The following CCNH variants were observed in gnomAD, a reference collection of about 807,000 sequenced individuals.
CCNH encodes cyclin H, also known as cyclin-H.
A neutral mutation model predicts 41.9 loss-of-function variants in CCNH; 31 were observed. That is an observed-to-expected ratio of 0.74 (90% CI 0.56 to 1.00). The LOEUF (loss-of-function observed/expected upper bound fraction) is 1.00, where lower values mean the gene tolerates loss of function less well. Ranked by LOEUF, CCNH falls within the 50% of genes least tolerant of loss-of-function variation. CCNH has a pLI of 0.00. For missense variants in CCNH, 362 were observed against 388.4 expected (o/e 0.93, Z 0.57); for synonymous variants, 138 against 136.1 (o/e 1.01, Z -0.10).
chr5:87,397,430 G>C (rs1399459174), intron 7 of CCNH, among the ~76,000 whole-genome samples: 1 of 152,148 alleles, frequency 6.6e-6, no homozygotes, highest in East Asian at 1.9e-4. Context: ...AAACTGCTGA[G>C]ATTACAGGCA....
the CCNH span, among the ~76,000 whole-genome samples, chr5:87,313,150 G>A: frequency 6.6e-6 from 1 of 152,140 alleles, no homozygotes; most frequent in Non-Finnish European, 1.5e-5. Context: ...TTTAAGTGAG[G>A]AAACTCACAT....
At chr5:87,345,815 T>C (rs1758819820) in intron 9 of CCNH, among the ~76,000 whole-genome samples, 2 of 152,110 alleles carry the variant, frequency 1.3e-5, no homozygotes, top group Non-Finnish European at 2.9e-5. Flanking sequence ...TAAAAATACT[T>C]GTAGACCCTA....
chr5:87,412,407 C>T, intron 1 of CCNH: 1 of 1,223,808 alleles, frequency 8.2e-7, no homozygotes, highest in Non-Finnish European at 1.0e-6. Context: ...ACGGCTCTTG[C>T]CACGCACTAC....
chr5:87,323,569 G>C (rs1160292352), intron 9 of CCNH, among the ~76,000 whole-genome samples: 1 of 152,150 alleles, frequency 6.6e-6, no homozygotes, highest in African/African-American at 2.4e-5. Context: ...AAGTAAGGTA[G>C]TATGTCTGTA....
At chr5:87,363,572 A>AC in intron 9 of CCNH, 17 of 1,532,916 alleles carry the variant, frequency 1.1e-5, no homozygotes, top group Non-Finnish European at 1.5e-5. Context: ...AACAAAGCAA[A>AC]CCAATTTTGA....
At chr5:87,380,520 A>C, upstream of CCNH, 2 of 1,612,616 alleles carry the variant, frequency 1.2e-6, no homozygotes, top group Non-Finnish European at 1.7e-6. Context: ...ACATTGAGAT[A>C]TATTTATGGG....
chr5:87,349,434 CAG>C (rs1759100720), intron 9 of CCNH: 3 of 1,528,940 alleles, frequency 2.0e-6, no homozygotes, highest in Admixed American at 1.8e-5. Context: ...ATACAGTATT[CAG>C]AGTCAAAATT....
chr5:87,355,834 A>G (rs76182372), intron 9 of CCNH, among the ~76,000 whole-genome samples: 3 of 152,046 alleles, frequency 2.0e-5, no homozygotes, highest in African/African-American at 7.2e-5. Context: ...GCTGATTCCA[A>G]CTCTTTTGGA....
chr5:87,325,558 A>G (rs1188570166), intron 9 of CCNH, among the ~76,000 whole-genome samples: 1 of 152,234 alleles, frequency 6.6e-6, no homozygotes, highest in East Asian at 1.9e-4. Context: ...ACAGAGTCCC[A>G]AGTGATTCAG....
At chr5:87,338,501 T>TTATATATATATATATATA (rs3069490) in intron 9 of CCNH, among the ~76,000 whole-genome samples, 8 of 75,670 alleles carry the variant, frequency 1.1e-4, no homozygotes, top group African/African-American at 3.4e-4. Flanking sequence ...CCAGCTAATT[T>TTATATATATATATATATA]TATATATATA....
chr5:87,356,494 A>G (rs954761290), intron 9 of CCNH, among the ~76,000 whole-genome samples: 3 of 151,824 alleles, frequency 2.0e-5, no homozygotes, highest in African/African-American at 7.3e-5. Context: ...GGCTCAAGCA[A>G]TCCTCCTGCC....
chr5:87,411,226 C>G lies in CCNH; in HGVS notation c.238G>C (p.Val80Leu), dbSNP rs1224356231. The G allele has an allele frequency of 6.2e-7, 1 of 1,610,930 alleles. No homozygotes were observed. The stretch of plus-strand genomic sequence containing the variant: ...ATTTCATCACCACTGTAACTTACCA[C>G]AACAGATCTTGGCATTGCTGGCTTA... ...VFKPAMPRSV[V>L]GTACMYFKRF... Residue 80 changes from valine (V) to leucine (L), a missense_variant and splice_region_variant, in exon 2 of 9, where the codon GTG becomes CTG. Physicochemically the swap from Val to Leu is conservative, Grantham distance 32 (BLOSUM62 1). Coordinates refer to ENST00000256897, the MANE Select transcript of CCNH (RefSeq NM_001239.4).
At position 87,383,734 on chromosome 5, in the gene CCNH, C is replaced by T; in HGVS notation, c.*90+9036G>A. 1.9e-6 allele frequency: 3 copies of T among 1,609,230 alleles called. No homozygotes were observed. Among genetic ancestry groups the T allele is most frequent in the Middle Eastern group, 1.7e-4 (1 of 6,016 alleles). Reference sequence around the variant, plus strand: ...TCAGTGGTTTTGTTTTTCTTCGACTCATCTGTCCTGCCATCCTGAATCCAC... The same window carrying T: ...TCAGTGGTTTTGTTTTTCTTCGACTTATCTGTCCTGCCATCCTGAATCCAC... On this transcript the variant is annotated intron_variant and NMD_transcript_variant, in intron 9 of 9. Coordinates refer to the CCNH transcript ENST00000645953.
intron 6 of CCNH, among the ~76,000 whole-genome samples, chr5:87,400,505 C>T (rs1355826979): frequency 6.6e-6 from 1 of 152,128 alleles, no homozygotes; most frequent in African/African-American, 2.4e-5. Flanking sequence ...TCACAATTAG[C>T]TTTTAAAGTG....
rs766618619 is a variant in CCNH at position 87,401,738 on chromosome 5, T to C, written c.724A>G (p.Arg242Gly). Reference sequence around the variant, plus strand: ...TCTAGTAACTGTGACAGGCAAGTTCTGTTCTCTTTCAGCATCAGACTCTCT... The same window carrying C: ...TCTAGTAACTGTGACAGGCAAGTTCCGTTCTCTTTCAGCATCAGACTCTCT... ...LSESLMLKEN[R>G]TCLSQLLDIM... is the part of the protein sequence containing the mutation. Residue 242 changes from arginine (R) to glycine (G), a missense_variant, in exon 6 of 9, where the codon AGA (arginine) becomes GGA (glycine). Arg to Gly is a moderately radical substitution (Grantham distance 125, BLOSUM62 -2). Coordinates refer to ENST00000256897, the MANE Select transcript of CCNH (RefSeq NM_001239.4). 6.3e-7 allele frequency: 1 copy of C among 1,592,616 alleles called. No individual in the cohort carries two copies.
intron 9 of CCNH, chr5:87,362,738 T>C (rs547026544): frequency 9.1e-5 from 138 of 1,519,178 alleles, no homozygotes; most frequent in Non-Finnish European, 1.1e-4. Context: ...TCCGAACTTA[T>C]TGTGATATAT....
downstream of CCNH, chr5:87,374,017 A>G: frequency 1.1e-5 from 7 of 615,124 alleles, no homozygotes; most frequent in Non-Finnish European, 1.1e-5. Context: ...ATATACAAAT[A>G]TATAACCAAA....
downstream of CCNH, among the ~76,000 whole-genome samples, chr5:87,387,935 A>G (rs577562007): frequency 2.0e-5 from 3 of 152,168 alleles, no homozygotes; most frequent in Non-Finnish European, 4.4e-5. Flanking sequence ...ACAATCTAAG[A>G]TTTCATACTG....
chr5:87,408,415 G>A (rs1341107981), intron 3 of CCNH, among the ~76,000 whole-genome samples: 1 of 152,130 alleles, frequency 6.6e-6, no homozygotes, highest in Non-Finnish European at 1.5e-5. Context: ...AACCAATATT[G>A]CCATGGCATT....
Sources: allele counts gnomAD v4.1 joint callset (sites outside exome capture counted in the v4.1 genomes callset), GRCh38; gene constraint gnomAD v4.1.1; transcripts MANE v1.5; gene names NCBI Gene and HGNC (gene_info 2026-07-23, HGNC 2026-07-21).